BBS9: variants seen among roughly 807,000 people sequenced by gnomAD.
BBS9 encodes the protein protein PTHB1.
BBS9 carries 89 observed loss-of-function variants against 117.7 expected under a neutral mutation model. That is an observed-to-expected ratio of 0.76 (90% CI 0.64 to 0.90). The LOEUF (loss-of-function observed/expected upper bound fraction) is 0.90. Among genes scored for constraint, BBS9 ranks in the 40% least tolerant of loss-of-function variants. The pLI is 0.00. For missense variants in BBS9, 982 were observed against 1,042.2 expected, an observed-to-expected ratio of 0.94 and a Z score of 0.80; for synonymous variants, 379 against 370.9, an observed-to-expected ratio of 1.02 and a Z score of -0.25.
At chr7:33,326,146 T>C (rs1812777249) in intron 9 of BBS9, among the ~76,000 whole-genome samples, 1 of 152,116 alleles carries the variant, frequency 6.6e-6, no homozygotes, top group Non-Finnish European at 1.5e-5. Flanking sequence ...AATCAGAAAC[T>C]TAGGAATCTA....
chr7:33,230,711 A>G (rs554777468), intron 5 of BBS9, among the ~76,000 whole-genome samples: 1 of 152,292 alleles, frequency 6.6e-6, no homozygotes, highest in African/African-American at 2.4e-5. Context: ...ACTAAGGATA[A>G]TGGCCTCCAT....
chr7:33,597,683 A>G lies in BBS9; in HGVS notation c.2522-7182A>G, dbSNP rs147640263. Among the ~76,000 whole-genome samples the G allele has an allele frequency of 2.5e-3, 388 of 152,188 alleles. 3 individuals carry two copies. The highest frequency in any genetic ancestry group is 8.7e-3 in the African/African-American group (363 of 41,526). On this transcript the variant is annotated intron_variant, in intron 21 of 22. Coordinates refer to ENST00000242067, the MANE Select transcript of BBS9 (RefSeq NM_198428.3). ...ATCCATTAAGATCTTCCTGCAAAAA[A>G]AAAATGTGTTATTGAGAAAGCCCTG...
At chr7:33,577,531 A>G (rs1859124647) in intron 21 of BBS9, among the ~76,000 whole-genome samples, 1 of 152,298 alleles carries the variant, frequency 6.6e-6, no homozygotes, top group East Asian at 1.9e-4. Context: ...ATACCATTTG[A>G]CCCAGCGATC....
intron 19 of BBS9, among the ~76,000 whole-genome samples, chr7:33,436,252 T>C (rs2128888084): frequency 6.6e-6 from 1 of 152,330 alleles, no homozygotes; most frequent in East Asian, 1.9e-4. Flanking sequence ...TAGCAAAACA[T>C]ACACCATTGC....
intron 5 of BBS9, among the ~76,000 whole-genome samples, chr7:33,256,539 T>G (rs184973302): frequency 6.3e-4 from 96 of 152,316 alleles, no homozygotes; most frequent in Admixed American, 2.8e-3. Flanking sequence ...AAAAGTTGCT[T>G]AGCTGTATGA....
Position 33,152,774 on chromosome 7 carries a change from A to T in BBS9, c.186A>T (p.Gly62=). 6.2e-7 allele frequency: 1 copy of T among 1,613,830 alleles called. No homozygotes were observed. The highest frequency in any genetic ancestry group is 8.5e-7 in the Non-Finnish European group (1 of 1,179,902). The change falls in exon 3 of 23, where the codon GGA becomes GGT. Residue 62 remains glycine, a synonymous_variant. Transcript: ENST00000242067. The stretch of plus-strand genomic sequence containing the variant: ...CCCATCCTGCAAAAACAGGAGATGG[A>T]GCTCAAGCCGAAGATTTGCTTCTAG... ...FSPHPAKTGD[G]AQAEDLLLEV... is the part of the protein sequence containing the mutation.
At chr7:33,582,777 C>CTT (rs1440063073) in intron 21 of BBS9, among the ~76,000 whole-genome samples, 1 of 152,090 alleles carries the variant, frequency 6.6e-6, no homozygotes, top group Non-Finnish European at 1.5e-5. Context: ...TGATGAAAGA[C>CTT]TTTTCTTAAT....
At chr7:33,224,915 A>T (rs566677397) in intron 5 of BBS9, among the ~76,000 whole-genome samples, 207 of 152,276 alleles carry the variant, frequency 1.4e-3, no homozygotes, top group African/African-American at 4.8e-3. Flanking sequence ...AGAGCTACTG[A>T]TTTATTAGGG....
rs780524334 is a variant in BBS9 at position 33,349,119 on chromosome 7, G to T, written c.1381G>T (p.Val461Leu). Residue 461 changes from valine (V) to leucine (L), a missense_variant, in exon 13 of 23, where the codon GTG becomes TTG. By Grantham distance (32) the Val-to-Leu change is conservative. Coordinates refer to ENST00000242067, the MANE Select transcript of BBS9 (RefSeq NM_198428.3). ...GCAAAAAGCCAAATTATCAGTCTAC[G>T]TGCAACCACCATTAGAATTGACTTG... ...ILQKAKLSVY[V>L]QPPLELTCDQ... is the part of the protein sequence containing the mutation. 5.0e-6 allele frequency: 8 copies of T among 1,613,322 alleles called. No homozygotes were observed. The highest frequency in any genetic ancestry group is 1.6e-4 in the Middle Eastern group (1 of 6,078).
intron 19 of BBS9, among the ~76,000 whole-genome samples, chr7:33,396,926 G>C (rs1398631109): frequency 1.3e-5 from 2 of 152,234 alleles, no homozygotes; most frequent in Admixed American, 6.5e-5. Context: ...TTAATAAATG[G>C]TGCTGGGAGA....
At position 33,596,809 on chromosome 7, in the gene BBS9, T is replaced by C. The variant is rs75675006; in HGVS notation, c.2522-8056T>C. Among the ~76,000 whole-genome samples the C allele has an allele frequency of 3.5e-4, 54 of 152,268 alleles. No individual in the cohort carries two copies. The East Asian group carries it at 0.01, about 29-fold the overall frequency. ...CATTCTCTCTCCTCCCCTTTGCTTT[T>C]AATCCTGTCTCCCTCTCTCCTGCCC... On this transcript the variant is annotated intron_variant, in intron 21 of 22. Transcript: ENST00000242067.
intron 21 of BBS9, among the ~76,000 whole-genome samples, chr7:33,587,955 G>A (rs1458637222): frequency 6.6e-6 from 1 of 152,064 alleles, no homozygotes; most frequent in Non-Finnish European, 1.5e-5. Flanking sequence ...TGATGCCCCA[G>A]TGGATATAAC....
chr7:33,268,824 T>C (rs1457858043), intron 7 of BBS9, among the ~76,000 whole-genome samples: 2 of 152,150 alleles, frequency 1.3e-5, no homozygotes, highest in African/African-American at 2.4e-5. Flanking sequence ...TCACTTTGGA[T>C]AAATCACCTC....
chr7:33,372,048 ATTC>A (rs1308264973), intron 17 of BBS9, among the ~76,000 whole-genome samples: 1 of 152,238 alleles, frequency 6.6e-6, no homozygotes, highest in Non-Finnish European at 1.5e-5. Context: ...CCTGATCAAA[ATTC>A]TTGAAAGTTT....
chr7:33,439,623 G>T (rs1835852405), intron 19 of BBS9, among the ~76,000 whole-genome samples: 1 of 149,374 alleles, frequency 6.7e-6, no homozygotes, highest in African/African-American at 2.5e-5. Flanking sequence ...CCGTCTCCCA[G>T]GTTCAAGCGA....
At chr7:33,405,106 G>A (rs1387646912) in intron 19 of BBS9, among the ~76,000 whole-genome samples, 1 of 152,176 alleles carries the variant, frequency 6.6e-6, no homozygotes, top group East Asian at 1.9e-4. Flanking sequence ...AGATAATCAT[G>A]TGTTTTTTGT....
chr7:33,507,201 C>T lies in BBS9; in HGVS notation c.2298+1556C>T, dbSNP rs550832254. Among the ~76,000 whole-genome samples the T allele has an allele frequency of 6.4e-4, 98 of 152,232 alleles. 1 individual carries two copies. The highest frequency in any genetic ancestry group is 1.2e-3 in the Non-Finnish European group (79 of 68,002). Reference sequence around the variant, plus strand: ...TTTTATGTATATTATTTATTGTCCTCACTAAAGTTATGCAAGATCAGTTTT... The same window carrying T: ...TTTTATGTATATTATTTATTGTCCTTACTAAAGTTATGCAAGATCAGTTTT... On this transcript the variant is annotated intron_variant, in intron 20 of 22. Coordinates refer to ENST00000242067, the MANE Select transcript of BBS9 (RefSeq NM_198428.3).
intron 19 of BBS9, among the ~76,000 whole-genome samples, chr7:33,415,477 G>C (rs1831843229): frequency 6.6e-6 from 1 of 152,146 alleles, no homozygotes; most frequent in African/African-American, 2.4e-5. Context: ...GCTCATCCCA[G>C]ATATCAACAA....
chr7:33,600,263 T>A (rs1272046874), intron 21 of BBS9, among the ~76,000 whole-genome samples: 1 of 152,230 alleles, frequency 6.6e-6, no homozygotes, highest in East Asian at 1.9e-4. Context: ...AGGGCTTTTT[T>A]ACGACTGTTG....
Sources: gnomAD v4.1 joint callset for allele counts (sites outside exome capture counted in the v4.1 genomes callset) on GRCh38, gnomAD v4.1.1 for gene constraint, MANE v1.5 for transcripts, NCBI Gene and HGNC (gene_info 2026-07-23, HGNC 2026-07-21) for gene names.